Variants in ZDHHC2 observed in about 807,000 individuals in gnomAD.
ZDHHC2 encodes palmitoyltransferase ZDHHC2.
A neutral mutation model predicts 55.6 loss-of-function variants in ZDHHC2; 51 were observed. The ratio of observed to expected loss-of-function variants is 0.92; its 90% CI spans 0.73 to 1.16. ZDHHC2 has a LOEUF of 1.16. Among genes scored for constraint, ZDHHC2 ranks in the 50% most tolerant of loss-of-function variants. The pLI is 0.00. For missense variants in ZDHHC2, 491 were observed against 442.4 expected, an observed-to-expected ratio of 1.11 and a Z score of -0.99; for synonymous variants, 199 against 152.9, an observed-to-expected ratio of 1.30 and a Z score of -2.22.
In ZDHHC2 at chr8:17,184,261, T is replaced by C. The variant is rs538955784; in HGVS notation, c.131-528T>C. 2.7e-3 allele frequency among the ~76,000 whole-genome samples: 417 copies of C among 152,344 alleles called. 3 individuals are homozygous for C. The highest frequency in any genetic ancestry group is 9.6e-3 in the African/African-American group (398 of 41,580). On this transcript the variant is annotated intron_variant, in intron 1 of 12. Coordinates refer to ENST00000262096, the MANE Select transcript of ZDHHC2 (RefSeq NM_016353.5). ...CTGAGGAGTGGCAGTTTCCCAGCAC[T>C]GCCTGGCCTTTCGTTGTGCAACAGG...
intron 12 of ZDHHC2, among the ~76,000 whole-genome samples, chr8:17,217,840 G>GT (rs1399181779): frequency 6.6e-6 from 1 of 151,826 alleles, no homozygotes; most frequent in Non-Finnish European, 1.5e-5. Context: ...AATATGATCT[G>GT]TTTGTAAGCC....
At chr8:17,172,086 C>T (rs1804882936) in intron 1 of ZDHHC2, among the ~76,000 whole-genome samples, 1 of 152,122 alleles carries the variant, frequency 6.6e-6, no homozygotes, top group Non-Finnish European at 1.5e-5. Flanking sequence ...AGCCCCGCGT[C>T]TATCACCTTG....
In ZDHHC2 at chr8:17,205,763, C is replaced by G; in HGVS notation, c.585C>G (p.Ile195Met). Residue 195 changes from isoleucine to methionine, a missense_variant, in exon 7 of 13, where the codon ATC (isoleucine) becomes ATG (methionine). Coordinates refer to ENST00000262096, the MANE Select transcript of ZDHHC2 (RefSeq NM_016353.5). Reference protein sequence around the residue: ...FIAATDLQYFIKFWTNGLPDT... With the variant: ...FIAATDLQYFMKFWTNGLPDT... The stretch of plus-strand genomic sequence containing the variant: ...CGGCAACAGATTTACAGTATTTTAT[C>G]AAATTTTGGACAGTAAGTCATTAAC... The G allele has an allele frequency of 1.9e-6, 3 of 1,605,156 alleles. No individual in the cohort carries two copies. Among genetic ancestry groups the G allele is most frequent in the Non-Finnish European group, 2.5e-6 (3 of 1,177,272 alleles).
chr8:17,180,566 G>A (rs1206596447), intron 1 of ZDHHC2, among the ~76,000 whole-genome samples: 1 of 152,092 alleles, frequency 6.6e-6, no homozygotes, highest in Non-Finnish European at 1.5e-5. Context: ...CAAGATGAAA[G>A]ATGATATATT....
Position 17,217,264 on chromosome 8 carries a change from T to C in ZDHHC2, c.*34+18T>C, listed in dbSNP as rs1807695048. ...TTATAAAAGTACGATAATTTTCCCT[T>C]TATTGTTTTATATTTTTAACAGTCT... is the stretch of plus-strand genomic sequence containing the variant. On this transcript the variant is annotated intron_variant, in intron 12 of 12. Coordinates refer to ENST00000262096, the MANE Select transcript of ZDHHC2 (RefSeq NM_016353.5). 6.5e-7 allele frequency: 1 copy of C among 1,533,510 alleles called. No homozygotes were observed. Among genetic ancestry groups the C allele is most frequent in the Non-Finnish European group, 8.9e-7 (1 of 1,128,008 alleles). The allele number at this position is 1,533,510 out of a possible 1,614,324, so 95.0% of individuals were successfully genotyped here.
intron 2 of ZDHHC2, among the ~76,000 whole-genome samples, chr8:17,185,337 G>A (rs1805654325): frequency 6.6e-6 from 1 of 152,064 alleles, no homozygotes; most frequent in Non-Finnish European, 1.5e-5. Flanking sequence ...CCAGAAGGAA[G>A]CATTATCACC....
At chr8:17,188,621 C>T (rs1331851818) in intron 3 of ZDHHC2, among the ~76,000 whole-genome samples, 2 of 152,154 alleles carry the variant, frequency 1.3e-5, no homozygotes, top group African/African-American at 2.4e-5. Flanking sequence ...CTGGACTTCT[C>T]TTCTTATATA....
intron 8 of ZDHHC2, among the ~76,000 whole-genome samples, chr8:17,208,338 A>G (rs1179267219): frequency 6.6e-6 from 1 of 150,548 alleles, no homozygotes; most frequent in Non-Finnish European, 1.5e-5. Flanking sequence ...ATAGATATAT[A>G]GATATAGTGG....
chr8:17,172,551 C>T (rs919661760), intron 1 of ZDHHC2, among the ~76,000 whole-genome samples: 1 of 152,154 alleles, frequency 6.6e-6, no homozygotes, highest in Non-Finnish European at 1.5e-5. Context: ...GTATTATGCA[C>T]TTACAGTTAT....
At chr8:17,197,166 A>C (rs1806360288) in intron 4 of ZDHHC2, among the ~76,000 whole-genome samples, 1 of 152,224 alleles carries the variant, frequency 6.6e-6, no homozygotes, top group Admixed American at 6.5e-5. Flanking sequence ...AGTTAGTGAC[A>C]GTAAAAGGTG....
At chr8:17,201,656 C>A (rs1256479785) in intron 6 of ZDHHC2, among the ~76,000 whole-genome samples, 2 of 80,458 alleles carry the variant, frequency 2.5e-5, no homozygotes, top group South Asian at 7.4e-4. Context: ...CTACGCCTCA[C>A]GGTTTTTGGT....
chr8:17,216,405 G>T (rs1369143911), intron 11 of ZDHHC2, among the ~76,000 whole-genome samples: 1 of 152,074 alleles, frequency 6.6e-6, no homozygotes, highest in Non-Finnish European at 1.5e-5. Flanking sequence ...CTCCCAGAGG[G>T]TCCCATTATT....
intron 3 of ZDHHC2, among the ~76,000 whole-genome samples, chr8:17,194,502 C>T (rs140024153): frequency 1.8e-4 from 27 of 151,362 alleles, no homozygotes; most frequent in African/African-American, 6.3e-4. Context: ...CCCTTTATTC[C>T]TCAAAACTTA....
In ZDHHC2 at chr8:17,223,361, C is replaced by T. The variant is rs1807996951; in HGVS notation, c.*3140C>T. ...CCATCCCACCCACACACCTAGACTA[C>T]AGATTCTGATCTGTGAATATTTTCA... On this transcript the variant is annotated 3_prime_UTR_variant, in exon 13 of 13. Transcript: ENST00000262096. The T allele has an allele frequency of 6.6e-6, 1 of 151,864 alleles. No individual in the cohort carries two copies. Among genetic ancestry groups the T allele is most frequent in the African/African-American group, 2.4e-5 (1 of 41,440 alleles). The allele number at this position is 151,864 out of a possible 1,614,324, so 9.4% of individuals were successfully genotyped here.
At chr8:17,161,853 CCT>C (rs1347790100) in intron 1 of ZDHHC2, among the ~76,000 whole-genome samples, 1 of 151,770 alleles carries the variant, frequency 6.6e-6, no homozygotes, top group Non-Finnish European at 1.5e-5. Flanking sequence ...AGAGCGAGAC[CCT>C]GTCTCAAAAA....
rs80340371 is a variant in ZDHHC2, at chr8:17,198,271, A to G, written c.444-110A>G. 7,476 of 1,015,750 alleles carry G rather than the reference A, an allele frequency of 7.4e-3. 372 individuals carry two copies. In the East Asian group the frequency reaches 0.12, roughly 17 times the overall value. The allele number at this position is 1,015,750 out of a possible 1,614,324, so 62.9% of individuals were successfully genotyped here. A position where few individuals can be genotyped will look rare whatever the true frequency, so the allele number is the denominator to read the frequency against. ...TTTTAGATAAGTAAATAATTTTGCA[A>G]TATTTTACTTGCCGCAGCTGTTTGA... On this transcript the variant is annotated intron_variant, in intron 5 of 12. Transcript: ENST00000262096.
intron 7 of ZDHHC2, among the ~76,000 whole-genome samples, chr8:17,207,475 A>C (rs1470243977): frequency 1.3e-5 from 2 of 152,186 alleles, no homozygotes; most frequent in Non-Finnish European, 2.9e-5. Flanking sequence ...ATATGTATTC[A>C]TTTAGTTGAT....
chr8:17,192,130 T>G (rs1464089967), intron 3 of ZDHHC2, among the ~76,000 whole-genome samples: 2 of 152,164 alleles, frequency 1.3e-5, no homozygotes, highest in Non-Finnish European at 2.9e-5. Flanking sequence ...ACTACAGGCA[T>G]GCATCACCAC....
chr8:17,187,238 A>G (rs550872288), intron 3 of ZDHHC2, among the ~76,000 whole-genome samples: 3 of 152,318 alleles, frequency 2.0e-5, no homozygotes, highest in African/African-American at 7.2e-5. Flanking sequence ...TCAAATTTGC[A>G]TGTTGAAAAG....
Sources: gnomAD v4.1 joint callset for allele counts (sites outside exome capture counted in the v4.1 genomes callset) on GRCh38, gnomAD v4.1.1 for gene constraint, MANE v1.5 for transcripts, NCBI Gene and HGNC (gene_info 2026-07-23, HGNC 2026-07-21) for gene names.